SPECC1: variants seen among roughly 807,000 people sequenced by gnomAD.
SPECC1 encodes cytospin-B.
SPECC1 carries 62 observed loss-of-function variants against 104.1 expected under a neutral mutation model. That is an observed-to-expected ratio of 0.60 (90% confidence interval 0.49 to 0.74). The LOEUF is 0.74. Ranked by LOEUF, SPECC1 falls within the 30% of genes least tolerant of loss-of-function variation. The pLI is 0.00. For missense variants in SPECC1, 1,306 were observed against 1,310.5 expected, an observed-to-expected ratio of 1.00 and a Z score of 0.05; for synonymous variants, 513 against 501.6, an observed-to-expected ratio of 1.02 and a Z score of -0.30.
chr17:20,185,758 T>A (rs895105799), intron 3 of SPECC1, among the ~76,000 whole-genome samples: 3 of 152,182 alleles, frequency 2.0e-5, no homozygotes, highest in African/African-American at 7.2e-5. Context: ...TGCACCCAGA[T>A]TGATGGTCCC....
intron 7 of SPECC1, among the ~76,000 whole-genome samples, chr17:20,243,991 C>A (rs2039314334): frequency 6.6e-6 from 1 of 151,864 alleles, no homozygotes; most frequent in Admixed American, 6.6e-5. Context: ...CCAAGGCAGG[C>A]AGATTGTCTG....
At chr17:20,211,034 C>T (rs965929842) in intron 4 of SPECC1, among the ~76,000 whole-genome samples, 1 of 152,194 alleles carries the variant, frequency 6.6e-6, no homozygotes, top group Non-Finnish European at 1.5e-5. Context: ...ACTTCAGACT[C>T]ATCTCAGTAA....
At chr17:20,194,485 G>C (rs1597936436) in intron 3 of SPECC1, among the ~76,000 whole-genome samples, 1 of 121,616 alleles carries the variant, frequency 8.2e-6, no homozygotes, top group African/African-American at 3.2e-5. Context: ...ATTGTGTTCT[G>C]TTAGAAAAGA....
chr17:20,305,894 C>A, intron 13 of SPECC1, 129 bp from the exon 14 acceptor site: 3 of 722,642 alleles, frequency 4.2e-6, no homozygotes, highest in Non-Finnish European at 6.5e-6. Context: ...AAATATTGTA[C>A]ACTTGACTTA....
rs2048424899 is a variant in SPECC1 at position 20,110,368 on chromosome 17, T to TAA, written c.148-58_148-57insAA. ...CCAGCTCCCATGCTCTGCTTGTTTATAGCGCTCCTTCCTGAAAACCACCTC... is the reference window on the plus strand; with the variant it reads ...CCAGCTCCCATGCTCTGCTTGTTTATAAAGCGCTCCTTCCTGAAAACCACCTC... On this transcript the variant is annotated intron_variant, in intron 2 of 14. Transcript: ENST00000395527. 2.6e-6 allele frequency: 4 copies of TAA among 1,547,086 alleles called. No individual in the cohort carries two copies. In the East Asian group the frequency reaches 6.9e-5, roughly 27 times the overall value.
At chr17:20,233,770 C>A (rs2038743560) in intron 7 of SPECC1, among the ~76,000 whole-genome samples, 1 of 152,226 alleles carries the variant, frequency 6.6e-6, no homozygotes, top group South Asian at 2.1e-4. Context: ...GTGTTCCCTA[C>A]TGAAACAGTA....
At chr17:20,125,690 A>C (rs1355055046) in intron 3 of SPECC1, among the ~76,000 whole-genome samples, 2 of 152,232 alleles carry the variant, frequency 1.3e-5, no homozygotes, top group Non-Finnish European at 2.9e-5. Context: ...ACAATGGGAC[A>C]TGTGTCAGAG....
rs768637496 is a variant in SPECC1, at chr17:20,306,111, T to TA, written c.3117+30dup. On this transcript the variant is annotated intron_variant, in intron 14 of 14. Coordinates refer to ENST00000395527, the MANE Select transcript of SPECC1 (RefSeq NM_001243439.2). ...CGTATCCTATTTTGTATCCTTGTGA[T>TA]ACTTTAATTGTATGAGAAATGACTT... The TA allele has an allele frequency of 3.1e-6, 5 of 1,597,994 alleles. No homozygotes were observed. The African/African-American group carries it at 6.7e-5, about 21-fold the overall frequency.
chr17:20,231,518 C>T (rs1409406497), intron 5 of SPECC1, among the ~76,000 whole-genome samples: 2 of 152,184 alleles, frequency 1.3e-5, no homozygotes, highest in Non-Finnish European at 2.9e-5. Context: ...GAGACTGTAA[C>T]CTCAATACAC....
Position 20,096,636 on chromosome 17 carries a change from A to G in SPECC1, c.-16A>G, listed in dbSNP as rs758151832. Reference sequence around the variant, plus strand: ...TCTTTTCTGCTCTTTTGCAGGACAGACCCACGAAGTCAAGCATGCGGAGTG... The same window carrying G: ...TCTTTTCTGCTCTTTTGCAGGACAGGCCCACGAAGTCAAGCATGCGGAGTG... On this transcript the variant is annotated 5_prime_UTR_variant, in exon 2 of 15. Coordinates refer to ENST00000395527, the MANE Select transcript of SPECC1 (RefSeq NM_001243439.2). 6.2e-7 allele frequency: 1 copy of G among 1,605,968 alleles called. No homozygotes were observed. Among genetic ancestry groups the G allele is most frequent in the Admixed American group, 1.7e-5 (1 of 58,700 alleles).
At position 20,318,025 on chromosome 17, in the gene SPECC1, A is replaced by G. The variant is rs1308021729; in HGVS notation, c.*3960A>G. 3 of 229,702 alleles carry G rather than the reference A, an allele frequency of 1.3e-5. No homozygotes were observed. In the Admixed American group the frequency reaches 1.7e-4, roughly 13 times the overall value. 14.2% of individuals were successfully genotyped at this position (229,702 alleles called of 1,614,324 possible). A position where few individuals can be genotyped will look rare whatever the true frequency, so the allele number is the denominator to read the frequency against. On this transcript the variant is annotated 3_prime_UTR_variant, in exon 15 of 15. Transcript: ENST00000395527. Reference sequence around the variant, plus strand: ...AAGGTCAGCATCTTATTTTTTCTATACTCAGCAGAGTGTGCCATTCCCAGT... The same window carrying G: ...AAGGTCAGCATCTTATTTTTTCTATGCTCAGCAGAGTGTGCCATTCCCAGT...
chr17:20,205,015 T>G lies in SPECC1; in HGVS notation c.966T>G (p.Ala322=). The G allele has an allele frequency of 2.5e-6, 4 of 1,614,098 alleles. No individual in the cohort carries two copies. In the Middle Eastern group the frequency reaches 6.6e-4, roughly 266 times the overall value. The change falls in exon 4 of 15, where the codon GCT becomes GCG. Residue 322 remains alanine, a synonymous_variant. Transcript: ENST00000395527. ...CCTCAAGTAGCGATGTTACCAAAGC[T>G]TCTTTGTCGCCAGATGCTTCCGACT... ...SGSSSSDVTK[A]SLSPDASDFE...
intron 12 of SPECC1, among the ~76,000 whole-genome samples, chr17:20,294,815 G>T (rs563023095): frequency 6.6e-6 from 1 of 152,216 alleles, no homozygotes; most frequent in South Asian, 2.1e-4. Flanking sequence ...ATATCTTTGA[G>T]CCTTTAATGA....
intron 1 of SPECC1, among the ~76,000 whole-genome samples, chr17:20,011,221 A>G (rs2043931684): frequency 6.6e-6 from 1 of 152,240 alleles, no homozygotes; most frequent in African/African-American, 2.4e-5. Context: ...CAAGTTTGGC[A>G]GAACTTGACT....
At chr17:20,061,995 C>G (rs1287758814) in intron 1 of SPECC1, among the ~76,000 whole-genome samples, 1 of 152,030 alleles carries the variant, frequency 6.6e-6, no homozygotes, top group Non-Finnish European at 1.5e-5. Context: ...CACGGTGGCT[C>G]ACGTCTGTAA....
intron 1 of SPECC1, among the ~76,000 whole-genome samples, chr17:20,031,901 G>A (rs1048767695): frequency 2.0e-5 from 3 of 151,996 alleles, no homozygotes; most frequent in African/African-American, 4.8e-5. Flanking sequence ...TTTATTTGTC[G>A]ATGGACCCTT....
chr17:20,023,676 G>C (rs2044485800), intron 1 of SPECC1, among the ~76,000 whole-genome samples: 1 of 152,194 alleles, frequency 6.6e-6, no homozygotes, highest in East Asian at 1.9e-4. Flanking sequence ...GGAAAGCTGA[G>C]ATTGGGTTCT....
At chr17:20,019,597 A>T (rs1272431940) in intron 1 of SPECC1, among the ~76,000 whole-genome samples, 1 of 152,218 alleles carries the variant, frequency 6.6e-6, no homozygotes, top group African/African-American at 2.4e-5. Context: ...AAATTCCATG[A>T]GGTGAGAAGT....
chr17:20,036,495 T>C (rs1333902571), intron 1 of SPECC1, among the ~76,000 whole-genome samples: 1 of 152,240 alleles, frequency 6.6e-6, no homozygotes, highest in African/African-American at 2.4e-5. Context: ...CATGATGTTT[T>C]GGAGTAATAT....
Sources: gnomAD v4.1 joint callset for allele counts (sites outside exome capture counted in the v4.1 genomes callset) on GRCh38, gnomAD v4.1.1 for gene constraint, MANE v1.5 for transcripts, NCBI Gene and HGNC (gene_info 2026-07-23, HGNC 2026-07-21) for gene names.